Variants in SH3RF3 observed in about 807,000 individuals in gnomAD.
SH3RF3 encodes E3 ubiquitin-protein ligase SH3RF3.
SH3RF3 carries 29 observed loss-of-function variants against 66.3 expected under a neutral mutation model. That is an observed-to-expected ratio of 0.44 (90% CI 0.33 to 0.60). The LOEUF (loss-of-function observed/expected upper bound fraction) is 0.60, where lower values mean the gene tolerates loss of function less well. Ranked by LOEUF, SH3RF3 falls within the 20% of genes least tolerant of loss-of-function variation. SH3RF3 has a pLI of 0.04. For synonymous variants in SH3RF3, 583 were observed against 532.0 expected, an observed-to-expected ratio of 1.10 and a Z score of -1.32; for missense variants, 1,194 against 1,190.9, an observed-to-expected ratio of 1.00 and a Z score of -0.04.
chr2:109,408,536 G>A (rs1486614261), intron 4 of SH3RF3, among the ~76,000 whole-genome samples: 1 of 152,204 alleles, frequency 6.6e-6, no homozygotes, highest in African/African-American at 2.4e-5. Flanking sequence ...GCCCAGGCCG[G>A]GTTCGCTCTC....
chr2:109,254,719 C>T (rs899504535), intron 1 of SH3RF3, among the ~76,000 whole-genome samples: 4 of 152,128 alleles, frequency 2.6e-5, no homozygotes, highest in East Asian at 1.9e-4. Flanking sequence ...CTGTGCCAGC[C>T]GCTCCCATGA....
At chr2:109,173,200 T>A (rs1677830026) in intron 1 of SH3RF3, among the ~76,000 whole-genome samples, 1 of 152,166 alleles carries the variant, frequency 6.6e-6, no homozygotes, top group African/African-American at 2.4e-5. Context: ...ACAGACTGAG[T>A]CATGGTTCTT....
intron 7 of SH3RF3, among the ~76,000 whole-genome samples, chr2:109,448,644 A>ATTT (rs1677776246): frequency 6.6e-6 from 1 of 152,216 alleles, no homozygotes; most frequent in Non-Finnish European, 1.5e-5. Context: ...CAGGAAAATA[A>ATTT]GCTCAGGGGT....
At chr2:109,356,180 G>A (rs555835766) in intron 2 of SH3RF3, among the ~76,000 whole-genome samples, 1 of 152,240 alleles carries the variant, frequency 6.6e-6, no homozygotes, top group Admixed American at 6.5e-5. Context: ...GGTACAGGGA[G>A]TGGCTGACTT....
rs187139050 is a variant in SH3RF3, at chr2:109,248,801, C to G, written c.574-98873C>G. Reference sequence around the variant, plus strand: ...TCTTTCTGTCTTTCTCTTTCTGTCTCTCTTTCTCTTTCGTTTTCTCTCTTT... The same window carrying G: ...TCTTTCTGTCTTTCTCTTTCTGTCTGTCTTTCTCTTTCGTTTTCTCTCTTT... On this transcript the variant is annotated intron_variant, in intron 1 of 9. Coordinates refer to ENST00000309415, the MANE Select transcript of SH3RF3 (RefSeq NM_001099289.3). 3.7e-3 allele frequency among the ~76,000 whole-genome samples: 562 copies of G among 150,636 alleles called. 1 individual carries two copies. The highest frequency in any genetic ancestry group is 6.1e-3 in the South Asian group (29 of 4,782).
Position 109,432,509 on chromosome 2 carries a change from C to T in SH3RF3, c.1412C>T (p.Ala471Val), listed in dbSNP as rs761171703. The T allele has an allele frequency of 1.9e-6, 3 of 1,613,276 alleles. No individual in the cohort carries two copies. The highest frequency in any genetic ancestry group is 2.5e-6 in the Non-Finnish European group (3 of 1,179,686). Residue 471 changes from alanine (A) to valine (V), a missense_variant, in exon 6 of 10, where the codon GCG (alanine) becomes GTG (valine). Coordinates refer to ENST00000309415, the MANE Select transcript of SH3RF3 (RefSeq NM_001099289.3). Reference sequence around the variant, plus strand: ...CCATGCTTTGCCCGCAGGTACCTGGCGCTCTACGCCTACAAGCCCCAGAAG... The same window carrying T: ...CCATGCTTTGCCCGCAGGTACCTGGTGCTCTACGCCTACAAGCCCCAGAAG... ...KVQLPLNVYLALYAYKPQKSD... is the reference protein window; with the variant it reads ...KVQLPLNVYLVLYAYKPQKSD...
At chr2:109,249,467 C>CCCTTTCTTTCTTTCTTTCTT (rs1680005007) in intron 1 of SH3RF3, among the ~76,000 whole-genome samples, 1 of 99,290 alleles carries the variant, frequency 1.0e-5, no homozygotes, top group African/African-American at 4.0e-5. Flanking sequence ...TTCTCTCTTT[C>CCCTTTCTTTCTTTCTTTCTT]TCTTTCTTTC....
Position 109,318,341 on chromosome 2 carries a change from C to G in SH3RF3, c.574-29333C>G, listed in dbSNP as rs72939574. Among the ~76,000 whole-genome samples, 1,119 of 152,098 alleles carry G rather than the reference C, an allele frequency of 7.4e-3. 10 individuals carry two copies. Among genetic ancestry groups the G allele is most frequent in the African/African-American group, 0.026 (1,070 of 41,508 alleles). ...GTGCCTCCCGGCCCCCAGCCCGGTCCCCAGTGCTTGTCCTCTGCCCACTCG... is the reference window on the plus strand; with the variant it reads ...GTGCCTCCCGGCCCCCAGCCCGGTCGCCAGTGCTTGTCCTCTGCCCACTCG... On this transcript the variant is annotated intron_variant, in intron 1 of 9. Transcript: ENST00000309415.
Position 109,503,635 on chromosome 2 carries a change from CGTT to C in SH3RF3, c.*1967_*1969del, listed in dbSNP as rs1254521579. On this transcript the variant is annotated 3_prime_UTR_variant, in exon 10 of 10. Coordinates refer to ENST00000309415, the MANE Select transcript of SH3RF3 (RefSeq NM_001099289.3). The stretch of plus-strand genomic sequence containing the variant: ...AAAATCCTGTGCGTGTTTAAATTCA[CGTT>C]GTCACCAAAGAGGTGCACAGATCAA... 1.3e-5 allele frequency: 2 copies of C among 152,224 alleles called. No individual in the cohort carries two copies. The highest frequency in any genetic ancestry group is 4.8e-5 in the African/African-American group (2 of 41,448). The allele number at this position is 152,224 out of a possible 1,614,324, so 9.4% of individuals were successfully genotyped here.
chr2:109,435,452 T>C (rs1677374228), intron 6 of SH3RF3, among the ~76,000 whole-genome samples: 1 of 152,210 alleles, frequency 6.6e-6, no homozygotes. Context: ...ATCCACCACC[T>C]GTGTTTGCCC....
intron 1 of SH3RF3, among the ~76,000 whole-genome samples, chr2:109,210,015 C>T (rs1262032191): frequency 6.6e-6 from 1 of 152,200 alleles, no homozygotes; most frequent in African/African-American, 2.4e-5. Context: ...TACTTTCTGT[C>T]TCTGTGAATG....
chr2:109,376,611 G>C (rs6742624), intron 3 of SH3RF3, among the ~76,000 whole-genome samples: 43,938 of 152,216 alleles, frequency 0.29, 7,158 homozygotes, highest in Non-Finnish European at 0.38. Flanking sequence ...CGGTTGTCCA[G>C]GTAGAGTAAT....
chr2:109,213,544 C>T (rs1338352403), intron 1 of SH3RF3, among the ~76,000 whole-genome samples: 1 of 152,196 alleles, frequency 6.6e-6, no homozygotes, highest in Non-Finnish European at 1.5e-5. Flanking sequence ...TATCACCTAA[C>T]AGGGGGCTGG....
chr2:109,229,629 G>A (rs1679449645), intron 1 of SH3RF3, among the ~76,000 whole-genome samples: 1 of 152,124 alleles, frequency 6.6e-6, no homozygotes, highest in African/African-American at 2.4e-5. Context: ...GGAATTGGCA[G>A]CCCCTCCAGG....
At chr2:109,402,150 C>T (rs1382293555) in intron 4 of SH3RF3, among the ~76,000 whole-genome samples, 1 of 152,248 alleles carries the variant, frequency 6.6e-6, no homozygotes, top group Non-Finnish European at 1.5e-5. Context: ...TCTGGATGTG[C>T]CCAGAGACCA....
At position 109,190,454 on chromosome 2, in the gene SH3RF3, G is replaced by A. The variant is rs145950851; in HGVS notation, c.573+60341G>A. 1.7e-3 allele frequency among the ~76,000 whole-genome samples: 258 copies of A among 152,346 alleles called. 2 individuals carry two copies. Among genetic ancestry groups the A allele is most frequent in the African/African-American group, 5.9e-3 (246 of 41,590 alleles). ...CACCCAAAGTGCTGGGGTTATAGGC[G>A]TGAGCCACTGCGCCTGGTCGACATC... On this transcript the variant is annotated intron_variant, in intron 1 of 9. Transcript: ENST00000309415.
rs779411182 is a variant in SH3RF3, at chr2:109,437,065, A to G, written c.1747A>G (p.Thr583Ala). The change falls in exon 7 of 10, where the codon ACA becomes GCA. Residue 583 changes from threonine to alanine, a missense_variant. Physicochemically the swap from Thr to Ala is moderately conservative, Grantham distance 58. Transcript: ENST00000309415. ...TTPQAHAQHP[T>A]ASPPTGSCLR... ...TCCCCAGGCCCACGCCCAGCACCCC[A>G]CAGCCTCGCCCCCAACAGGCAGCTG... is the stretch of plus-strand genomic sequence containing the variant. The G allele has an allele frequency of 4.2e-5, 67 of 1,613,506 alleles. No homozygotes were observed. Among genetic ancestry groups the G allele is most frequent in the Non-Finnish European group, 5.5e-5 (65 of 1,179,854 alleles).
intron 1 of SH3RF3, among the ~76,000 whole-genome samples, chr2:109,232,586 C>A (rs886624201): frequency 2.0e-5 from 3 of 152,130 alleles, no homozygotes; most frequent in Non-Finnish European, 4.4e-5. Flanking sequence ...TAAAAGGAGA[C>A]CAACTGTGAG....
intron 1 of SH3RF3, among the ~76,000 whole-genome samples, chr2:109,151,995 C>T (rs1677234526): frequency 6.6e-6 from 1 of 152,234 alleles, no homozygotes; most frequent in Admixed American, 6.5e-5. Context: ...GGATATTTTT[C>T]ATACCCAGCT....
Sources: allele counts gnomAD v4.1 joint callset (sites outside exome capture counted in the v4.1 genomes callset), GRCh38; gene constraint gnomAD v4.1.1; transcripts MANE v1.5; gene names NCBI Gene and HGNC (gene_info 2026-07-23, HGNC 2026-07-21).